The following TYR variants were observed in gnomAD, a reference collection of about 807,000 sequenced individuals.
TYR encodes tyrosinase, also known as LB24-AB.
A neutral mutation model predicts 51.5 loss-of-function variants in TYR; 58 were observed. That is an observed-to-expected ratio of 1.13 (90% CI 0.91 to 1.40). TYR has a LOEUF of 1.40. Ranked by LOEUF, TYR falls within the 40% of genes most tolerant of loss-of-function variation. The pLI, the probability that TYR is intolerant of heterozygous loss-of-function variation, is 0.00. For missense variants in TYR, 732 were observed against 647.4 expected (o/e 1.13, Z -1.42); for synonymous variants, 263 against 235.2 (o/e 1.12, Z -1.08).
intron 3 of TYR, among the ~76,000 whole-genome samples, chr11:89,228,391 G>A (rs1397320647): frequency 6.6e-6 from 1 of 152,146 alleles, no homozygotes; most frequent in Non-Finnish European, 1.5e-5. Context: ...CCAGGAGCTT[G>A]AGTCCAGATA....
intron 1 of TYR, among the ~76,000 whole-genome samples, chr11:89,185,211 T>G (rs1943354317): frequency 1.3e-5 from 2 of 152,162 alleles, no homozygotes; most frequent in South Asian, 4.1e-4. Context: ...AGAGATAAAA[T>G]CATAAAAATC....
chr11:89,213,785 C>G (rs1057488309), intron 2 of TYR, among the ~76,000 whole-genome samples: 4 of 152,238 alleles, frequency 2.6e-5, no homozygotes, highest in African/African-American at 7.2e-5. Context: ...AGAAATAACA[C>G]CACACATCTA....
At chr11:89,202,851 T>A (rs1430235479) in intron 2 of TYR, among the ~76,000 whole-genome samples, 1 of 152,140 alleles carries the variant, frequency 6.6e-6, no homozygotes, top group Non-Finnish European at 1.5e-5. Flanking sequence ...ATTTCATGGC[T>A]TATACTTCTC....
At chr11:89,185,818 A>G (rs146094481) in intron 1 of TYR, among the ~76,000 whole-genome samples, 3 of 152,304 alleles carry the variant, frequency 2.0e-5, no homozygotes, top group African/African-American at 4.8e-5. Flanking sequence ...CCACTAAGAA[A>G]AATAAAAAAA....
Position 89,263,538 on chromosome 11 carries a change from A to G in TYR, c.1185-21235A>G, listed in dbSNP as rs1348642398. ...AGGGCCATTAGGCATGAAAAAGAATAAAAATTGTCCACACTGGAAAGGAAA... is the reference window on the plus strand; with the variant it reads ...AGGGCCATTAGGCATGAAAAAGAATGAAAATTGTCCACACTGGAAAGGAAA... On this transcript the variant is annotated intron_variant, in intron 3 of 4. Transcript: ENST00000263321. Among the ~76,000 whole-genome samples, 3 of 152,120 alleles carry G rather than the reference A, an allele frequency of 2.0e-5. 1 individual carries two copies. The highest frequency in any genetic ancestry group is 4.4e-5 in the Non-Finnish European group (3 of 67,988).
Position 89,178,426 on chromosome 11 carries a change from A to T in TYR, c.473A>T (p.Gln158Leu), listed in dbSNP as rs1410762327. 6.2e-7 allele frequency: 1 copy of T among 1,614,056 alleles called. No homozygotes were observed. Among genetic ancestry groups the T allele is most frequent in the East Asian group, 2.2e-5 (1 of 44,888 alleles). ...DYVIPIGTYG[Q>L]MKNGSTPMFN... ...GTCATCCCCATAGGGACCTATGGCC[A>T]AATGAAAAATGGATCAACACCCATG... Residue 158 changes from glutamine (Q) to leucine (L), a missense_variant, in exon 1 of 5, where the codon CAA becomes CTA. By Grantham distance (113) the Gln-to-Leu change is moderately radical. Transcript: ENST00000263321.
At chr11:89,277,174 C>T (rs1365968282) in intron 3 of TYR, among the ~76,000 whole-genome samples, 1 of 151,504 alleles carries the variant, frequency 6.6e-6, no homozygotes, top group East Asian at 1.9e-4. Context: ...TGTTTATTAT[C>T]ATTTAAAAAT....
At chr11:89,192,146 A>C in intron 2 of TYR, 4 of 252,992 alleles carry the variant, frequency 1.6e-5, no homozygotes, top group Middle Eastern at 4.5e-4. Context: ...ATCTTCTCTA[A>C]CTCCTAAATA....
At chr11:89,283,247 C>T (rs1944739174) in intron 3 of TYR, among the ~76,000 whole-genome samples, 1 of 151,788 alleles carries the variant, frequency 6.6e-6, no homozygotes, top group African/African-American at 2.4e-5. Flanking sequence ...CCAACTTTGA[C>T]CACAAGTAGT....
At chr11:89,248,738 A>T (rs1477118422) in intron 3 of TYR, among the ~76,000 whole-genome samples, 1 of 152,160 alleles carries the variant, frequency 6.6e-6, no homozygotes, top group African/African-American at 2.4e-5. Flanking sequence ...TGACAAATAG[A>T]CTGTTAGAGT....
intron 3 of TYR, among the ~76,000 whole-genome samples, chr11:89,273,390 G>A (rs1944613263): frequency 6.6e-6 from 1 of 151,820 alleles, no homozygotes; most frequent in African/African-American, 2.4e-5. Flanking sequence ...GTGAGGGAAG[G>A]AGGATGGCTG....
chr11:89,188,684 G>C (rs1470656037), intron 1 of TYR, among the ~76,000 whole-genome samples: 1 of 152,072 alleles, frequency 6.6e-6, no homozygotes, highest in African/African-American at 2.4e-5. Context: ...AGTGGGTAAG[G>C]CTGAATATGA....
intron 3 of TYR, among the ~76,000 whole-genome samples, chr11:89,270,088 T>C (rs1348144046): frequency 6.6e-6 from 1 of 151,896 alleles, no homozygotes; most frequent in Non-Finnish European, 1.5e-5. Flanking sequence ...TAATATTGAC[T>C]AATTACCTTT....
chr11:89,284,520 G>A lies in TYR; in HGVS notation c.1185-253G>A, dbSNP rs7942587. Among the ~76,000 whole-genome samples, 1,272 of 151,904 alleles carry A rather than the reference G, an allele frequency of 8.4e-3. 17 individuals carry two copies. The highest frequency in any genetic ancestry group is 0.029 in the African/African-American group (1,211 of 41,498). The stretch of plus-strand genomic sequence containing the variant: ...GCATTCTGGAGGTTCAAAACTCAAT[G>A]TGTAAGTTTTATTCACCTGCTAAGA... On this transcript the variant is annotated intron_variant, in intron 3 of 4. Coordinates refer to ENST00000263321, the MANE Select transcript of TYR (RefSeq NM_000372.5).
chr11:89,193,362 C>G (rs926068123), intron 2 of TYR, among the ~76,000 whole-genome samples: 2 of 151,974 alleles, frequency 1.3e-5, no homozygotes, highest in South Asian at 4.1e-4. Context: ...TGTGTCAACT[C>G]AGCCAGTGGT....
At chr11:89,270,949 A>G (rs886093420) in intron 3 of TYR, among the ~76,000 whole-genome samples, 5 of 151,830 alleles carry the variant, frequency 3.3e-5, no homozygotes, top group African/African-American at 1.2e-4. Context: ...ATTACACATG[A>G]TCAAATAACT....
intron 4 of TYR, chr11:89,294,396 T>A (rs1001976661): frequency 2.0e-5 from 3 of 152,868 alleles, no homozygotes; most frequent in African/African-American, 4.8e-5. Context: ...TCGGCTCCCC[T>A]AAGCCCCGCC....
intron 2 of TYR, among the ~76,000 whole-genome samples, chr11:89,194,372 A>T (rs1943487810): frequency 6.6e-6 from 1 of 152,208 alleles, no homozygotes; most frequent in East Asian, 1.9e-4. Flanking sequence ...TCACATCTGG[A>T]GGCACATCAT....
intron 1 of TYR, among the ~76,000 whole-genome samples, chr11:89,184,375 G>A (rs1431957227): frequency 5.9e-5 from 9 of 152,052 alleles, no homozygotes; most frequent in East Asian, 3.9e-4. Flanking sequence ...TACTTGTAGC[G>A]TCCAGTTAAC....
Sources: gnomAD v4.1 joint callset for allele counts (sites outside exome capture counted in the v4.1 genomes callset) on GRCh38, gnomAD v4.1.1 for gene constraint, MANE v1.5 for transcripts, NCBI Gene and HGNC (gene_info 2026-07-23, HGNC 2026-07-21) for gene names.